PTPN12: variants seen among roughly 807,000 people sequenced by gnomAD.
PTPN12 encodes protein tyrosine phosphatase non-receptor type 12, also known as tyrosine-protein phosphatase non-receptor type 12.
In PTPN12, 29 loss-of-function variants were observed where a neutral mutation model predicts 97.6. The observed-to-expected ratio is 0.30, with a 90% confidence interval of 0.22 to 0.41. The LOEUF is 0.41. Among genes scored for constraint, PTPN12 ranks in the 10% least tolerant of loss-of-function variants. The pLI is 1.00. For synonymous variants in PTPN12, 327 were observed against 300.4 expected (o/e 1.09, Z -0.91); for missense variants, 819 against 926.0 (o/e 0.88, Z 1.50).
At chr7:77,547,662 A>G (rs1224832280) in intron 1 of PTPN12, among the ~76,000 whole-genome samples, 1 of 152,242 alleles carries the variant, frequency 6.6e-6, no homozygotes, top group African/African-American at 2.4e-5. Flanking sequence ...ATACTGCTCC[A>G]GTGGAAGTAT....
chr7:77,611,229 C>T (rs535561856), intron 11 of PTPN12, among the ~76,000 whole-genome samples, 183 bp downstream of exon 11: 1 of 152,232 alleles, frequency 6.6e-6, no homozygotes, highest in South Asian at 2.1e-4. Flanking sequence ...TATTTAATGA[C>T]TCCGATATAA....
chr7:77,608,627 A>C (rs1040650953), intron 9 of PTPN12, among the ~76,000 whole-genome samples: 1 of 151,654 alleles, frequency 6.6e-6, no homozygotes, highest in Non-Finnish European at 1.5e-5. Context: ...TAAAATGTTT[A>C]TTTTTTCTTT....
chr7:77,606,729 A>C (rs954804401), intron 8 of PTPN12, among the ~76,000 whole-genome samples: 1 of 152,254 alleles, frequency 6.6e-6, no homozygotes, highest in South Asian at 2.1e-4. Context: ...AGCATGGGGA[A>C]GTATGTCCTG....
At chr7:77,586,247 C>T (rs1348349988) in intron 5 of PTPN12, among the ~76,000 whole-genome samples, 1 of 152,214 alleles carries the variant, frequency 6.6e-6, no homozygotes, top group Non-Finnish European at 1.5e-5. Context: ...AGCCACTGCG[C>T]CTGGCCTTCC....
chr7:77,617,039 T>TC, intron 11 of PTPN12, among the ~76,000 whole-genome samples: 1 of 152,226 alleles, frequency 6.6e-6, no homozygotes, highest in Non-Finnish European at 1.5e-5. Flanking sequence ...AGTCTCAGCC[T>TC]CCCAAAGTTC....
Position 77,638,711 on chromosome 7 carries a change from C to T in PTPN12, c.2261C>T (p.Pro754Leu), listed in dbSNP as rs779939305. Residue 754 changes from proline to leucine, a missense_variant, in exon 17 of 18, where the codon CCA becomes CTA. By Grantham distance (98) the Pro-to-Leu change is moderately conservative. Transcript: ENST00000248594. ...AAGAGAGAACAAATATCAGAAAATCCAACAGAAGCCACAGATATTGGTAAT... is the reference window on the plus strand; with the variant it reads ...AAGAGAGAACAAATATCAGAAAATCTAACAGAAGCCACAGATATTGGTAAT... ...SDKREQISEN[P>L]TEATDIGFGN... 1.9e-6 allele frequency: 3 copies of T among 1,603,470 alleles called. No homozygotes were observed. The highest frequency in any genetic ancestry group is 2.5e-6 in the Non-Finnish European group (3 of 1,176,496).
rs768077594 is a variant in PTPN12 at position 77,627,201 on chromosome 7, G to C, written c.1522G>C (p.Val508Leu). The change falls in exon 13 of 18, where the codon GTT (valine) becomes CTT (leucine). Residue 508 changes from valine (V) to leucine (L), a missense_variant. Coordinates refer to ENST00000248594, the MANE Select transcript of PTPN12 (RefSeq NM_002835.4). ...TGTAACACAATCAAACAAAGTTTCA[G>C]TTACTCCACCAGAAGAATCCCAGAA... ...CSVTQSNKVS[V>L]TPPEESQNSD... The C allele has an allele frequency of 1.2e-6, 2 of 1,614,090 alleles. No individual in the cohort carries two copies. The highest frequency in any genetic ancestry group is 1.3e-5 in the African/African-American group (1 of 75,006).
Position 77,537,348 on chromosome 7 carries a change from G to A in PTPN12, c.-199G>A. 4.8e-6 allele frequency: 3 copies of A among 623,680 alleles called. No homozygotes were observed. Among genetic ancestry groups the A allele is most frequent in the Non-Finnish European group, 7.4e-6 (3 of 402,990 alleles). 38.6% of individuals were successfully genotyped at this position (623,680 alleles called of 1,614,324 possible). A position where few individuals can be genotyped will look rare whatever the true frequency, so the allele number is the denominator to read the frequency against. On this transcript the variant is annotated 5_prime_UTR_variant, in exon 1 of 18. Transcript: ENST00000248594. ...GGGAGAGCGGCGGCTGCTCCTGGAA[G>A]TTGTGGTGTCGGGAGCCCAGCCGGT...
chr7:77,564,732 T>G (rs1200718530), intron 1 of PTPN12, among the ~76,000 whole-genome samples: 8 of 148,416 alleles, frequency 5.4e-5, no homozygotes, highest in Non-Finnish European at 1.2e-4. Context: ...TTTGTTGTTG[T>G]TTTTTGTTGT....
At chr7:77,629,220 A>T (rs1266457341) in intron 13 of PTPN12, among the ~76,000 whole-genome samples, 2 of 152,246 alleles carry the variant, frequency 1.3e-5, no homozygotes, top group Admixed American at 1.3e-4. Flanking sequence ...AAGGGCTGGG[A>T]TTACAGGCGT....
intron 1 of PTPN12, 109 bp from the exon 2 acceptor site, chr7:77,570,969 T>C: frequency 1.6e-6 from 1 of 634,060 alleles, no homozygotes; most frequent in Non-Finnish European, 2.6e-6. Context: ...AATTAAGAGC[T>C]AAGAGACAGG....
At chr7:77,596,101 A>T (rs1788014386) in intron 6 of PTPN12, among the ~76,000 whole-genome samples, 1 of 152,162 alleles carries the variant, frequency 6.6e-6, no homozygotes. Flanking sequence ...TTCTATGTAT[A>T]TTTACATGAT....
intron 2 of PTPN12, among the ~76,000 whole-genome samples, chr7:77,580,562 G>A (rs894286213): frequency 6.6e-6 from 1 of 152,082 alleles, no homozygotes; most frequent in African/African-American, 2.4e-5. Context: ...TTGAAGGGCA[G>A]GGGAGGCTTA....
rs185538330 is a variant in PTPN12 at position 77,623,530 on chromosome 7, G to A, written c.1026-3175G>A. 1.6e-3 allele frequency among the ~76,000 whole-genome samples: 249 copies of A among 152,306 alleles called. 1 individual carries two copies. Among genetic ancestry groups the A allele is most frequent in the Non-Finnish European group, 2.9e-3 (200 of 68,018 alleles). On this transcript the variant is annotated intron_variant, in intron 12 of 17. Coordinates refer to ENST00000248594, the MANE Select transcript of PTPN12 (RefSeq NM_002835.4). The stretch of plus-strand genomic sequence containing the variant: ...GTTTAAGACCAGCCTGGCCAACATG[G>A]CGAAACCCTGTCTCTACTAAAAATA...
At chr7:77,614,349 C>G (rs1182259490) in intron 11 of PTPN12, among the ~76,000 whole-genome samples, 1 of 151,958 alleles carries the variant, frequency 6.6e-6, no homozygotes, top group Non-Finnish European at 1.5e-5. Context: ...GAAATCTATA[C>G]TAGGATTATA....
At chr7:77,569,834 A>G (rs567207805) in intron 1 of PTPN12, among the ~76,000 whole-genome samples, 6 of 152,286 alleles carry the variant, frequency 3.9e-5, no homozygotes, top group Non-Finnish European at 7.4e-5. Context: ...TGTGTGTCCC[A>G]TTTTTATCTG....
chr7:77,573,662 A>G (rs892892583), intron 2 of PTPN12, among the ~76,000 whole-genome samples: 2 of 152,212 alleles, frequency 1.3e-5, no homozygotes, highest in Non-Finnish European at 2.9e-5. Flanking sequence ...GTGATCCTAC[A>G]TTGCTCTGGA....
chr7:77,610,854 T>C lies in PTPN12; in HGVS notation c.840+12T>C, dbSNP rs2151376549. ...CAGTACAAACAAAGGTATAGTTGTTTGTTTCCCTTTATAAACTGCTATTTT... is the reference window on the plus strand; with the variant it reads ...CAGTACAAACAAAGGTATAGTTGTTCGTTTCCCTTTATAAACTGCTATTTT... On this transcript the variant is annotated intron_variant, in intron 10 of 17. Coordinates refer to ENST00000248594, the MANE Select transcript of PTPN12 (RefSeq NM_002835.4). 5 of 1,595,712 alleles carry C rather than the reference T, an allele frequency of 3.1e-6. No individual in the cohort carries two copies. In the East Asian group the frequency reaches 1.1e-4, roughly 36 times the overall value.
intron 2 of PTPN12, among the ~76,000 whole-genome samples, chr7:77,572,098 C>CTTTTTTTTTTTTTTTTT (rs35269832): frequency 7.5e-6 from 1 of 133,330 alleles, no homozygotes; most frequent in African/African-American, 2.9e-5. Context: ...TTCTTGGTGA[C>CTTTTTTTTTTTTTTTTT]TTTTTTTTTT....
Sources: allele counts gnomAD v4.1 joint callset (sites outside exome capture counted in the v4.1 genomes callset), GRCh38; gene constraint gnomAD v4.1.1; transcripts MANE v1.5; gene names NCBI Gene and HGNC (gene_info 2026-07-23, HGNC 2026-07-21).